Variants in LCLAT1 observed in about 807,000 individuals in gnomAD.
LCLAT1 encodes the protein lysocardiolipin acyltransferase 1.
Under a neutral mutation model 30.7 loss-of-function variants are expected in LCLAT1, and 11 were observed. That is an observed-to-expected ratio of 0.36 (90% confidence interval 0.23 to 0.59). The LOEUF (loss-of-function observed/expected upper bound fraction) is 0.59, where lower values mean the gene tolerates loss of function less well. LCLAT1 is among the 20% of genes least tolerant of loss of function. The pLI is 0.77. For synonymous variants in LCLAT1, 155 were observed against 151.3 expected (o/e 1.02, Z -0.18); for missense variants, 402 against 458.6 (o/e 0.88, Z 1.13).
At chr2:30,636,971 G>A (rs1263518463) in intron 5 of LCLAT1, among the ~76,000 whole-genome samples, 1 of 152,196 alleles carries the variant, frequency 6.6e-6, no homozygotes, top group Non-Finnish European at 1.5e-5. Context: ...ATGAAGACCT[G>A]TAATCCTGAT....
chr2:30,640,063 T>C (rs1187086296), intron 5 of LCLAT1, 54 bp from the exon 6 acceptor site: 16 of 1,438,258 alleles, frequency 1.1e-5, no homozygotes, highest in Non-Finnish European at 1.4e-5. Flanking sequence ...GAATCAGCAT[T>C]ATCACCCAAA....
chr2:30,502,954 GCTAA>G (rs764321666), intron 1 of LCLAT1, among the ~76,000 whole-genome samples: 3 of 152,176 alleles, frequency 2.0e-5, no homozygotes, highest in Non-Finnish European at 2.9e-5. Flanking sequence ...GCAGAACAGG[GCTAA>G]CTCACAGGCA....
chr2:30,469,958 T>C (rs1365229212), intron 1 of LCLAT1, among the ~76,000 whole-genome samples: 1 of 152,144 alleles, frequency 6.6e-6, no homozygotes, highest in Non-Finnish European at 1.5e-5. Flanking sequence ...CTCAAACTTC[T>C]GGCCTCAAGT....
chr2:30,463,148 T>C (rs1171437112), intron 1 of LCLAT1, among the ~76,000 whole-genome samples: 1 of 151,812 alleles, frequency 6.6e-6, no homozygotes, highest in Admixed American at 6.6e-5. Context: ...TTTATACATT[T>C]ATATATTTAT....
chr2:30,606,096 A>G, intron 5 of LCLAT1: 4 of 1,138,134 alleles, frequency 3.5e-6, no homozygotes, highest in Non-Finnish European at 4.7e-6. Flanking sequence ...GAGAGGACAC[A>G]AACAAATGGA....
At chr2:30,610,556 A>G (rs1381496411) in intron 5 of LCLAT1, among the ~76,000 whole-genome samples, 1 of 152,150 alleles carries the variant, frequency 6.6e-6, no homozygotes, top group Non-Finnish European at 1.5e-5. Context: ...TCTCTCAGGT[A>G]TTTAAGACCT....
At chr2:30,592,056 G>T (rs1393762430) in intron 5 of LCLAT1, among the ~76,000 whole-genome samples, 1 of 152,224 alleles carries the variant, frequency 6.6e-6, no homozygotes, top group East Asian at 1.9e-4. Context: ...CCCAGCCCTA[G>T]CGCAGGACTT....
intron 1 of LCLAT1, among the ~76,000 whole-genome samples, chr2:30,453,904 A>G (rs762292740): frequency 2.6e-5 from 4 of 152,198 alleles, no homozygotes; most frequent in African/African-American, 9.7e-5. Context: ...GTAAATACAA[A>G]TACTGTTATT....
chr2:30,479,279 G>C (rs1485488565), intron 1 of LCLAT1, among the ~76,000 whole-genome samples: 1 of 151,914 alleles, frequency 6.6e-6, no homozygotes, highest in Non-Finnish European at 1.5e-5. Flanking sequence ...ATCCAGGCTG[G>C]ACTACAGTGG....
At chr2:30,607,548 G>A (rs1346153171) in intron 5 of LCLAT1, 3 of 152,068 alleles carry the variant, frequency 2.0e-5, no homozygotes, top group African/African-American at 7.2e-5. Context: ...TATGCTACCA[G>A]TTGTGTAAAA....
rs917265995 is a variant in LCLAT1, at chr2:30,592,861, G to A, written c.628+24685G>A. 1.6e-4 allele frequency among the ~76,000 whole-genome samples: 24 copies of A among 152,150 alleles called. 1 individual carries two copies. The highest frequency in any genetic ancestry group is 3.3e-4 in the Admixed American group (5 of 15,266). ...TGATATTTTGATAACTGTATACAAT[G>A]TGTAACAATCAACTCAGAATAATTG... On this transcript the variant is annotated intron_variant, in intron 5 of 5. Coordinates refer to ENST00000379509, the MANE Select transcript of LCLAT1 (RefSeq NM_001002257.3).
chr2:30,600,888 G>C (rs1018731245), intron 5 of LCLAT1, among the ~76,000 whole-genome samples: 1 of 152,092 alleles, frequency 6.6e-6, no homozygotes, highest in Non-Finnish European at 1.5e-5. Context: ...TTTCCAACTT[G>C]GTTCCATTCT....
chr2:30,470,180 C>CAGAACACGAGGTCTGAAAAATACCTCA (rs1682704584), intron 1 of LCLAT1, among the ~76,000 whole-genome samples: 1 of 152,094 alleles, frequency 6.6e-6, no homozygotes, highest in South Asian at 2.1e-4. Context: ...GTTGGTCCAC[C>CAGAACACGAGGTCTGAAAAATACCTCA]AGAACACGAG....
At chr2:30,456,796 A>G (rs1223059944) in intron 1 of LCLAT1, among the ~76,000 whole-genome samples, 1 of 152,156 alleles carries the variant, frequency 6.6e-6, no homozygotes, top group East Asian at 1.9e-4. Flanking sequence ...CAGAGTCCAG[A>G]GTCTTCCCAT....
At chr2:30,636,225 A>G (rs962973989) in intron 5 of LCLAT1, among the ~76,000 whole-genome samples, 2 of 152,214 alleles carry the variant, frequency 1.3e-5, no homozygotes, top group African/African-American at 4.8e-5. Context: ...TCGTTAGAAT[A>G]TTTGTGTTGA....
At chr2:30,637,625 T>G (rs899978756) in intron 5 of LCLAT1, among the ~76,000 whole-genome samples, 1 of 152,190 alleles carries the variant, frequency 6.6e-6, no homozygotes, top group Admixed American at 6.5e-5. Context: ...TTGCCCAGGC[T>G]GGAGTGCATT....
intron 1 of LCLAT1, among the ~76,000 whole-genome samples, chr2:30,503,847 T>C (rs752088349): frequency 2.6e-5 from 4 of 152,240 alleles, no homozygotes; most frequent in Non-Finnish European, 5.9e-5. Flanking sequence ...TTGCATTTTG[T>C]CCTAGCTTGA....
intron 5 of LCLAT1, chr2:30,607,733 C>T (rs1332233225): frequency 6.6e-6 from 1 of 152,012 alleles, no homozygotes; most frequent in Non-Finnish European, 1.5e-5. Context: ...GCATTGCTGT[C>T]ATAGGACATG....
intron 1 of LCLAT1, among the ~76,000 whole-genome samples, chr2:30,462,122 C>G (rs1284248040): frequency 6.6e-6 from 1 of 152,160 alleles, no homozygotes; most frequent in Non-Finnish European, 1.5e-5. Context: ...TTCAGTTACT[C>G]TCCATTACTG....
Sources: allele counts gnomAD v4.1 joint callset (sites outside exome capture counted in the v4.1 genomes callset), GRCh38; gene constraint gnomAD v4.1.1; transcripts MANE v1.5; gene names NCBI Gene and HGNC (gene_info 2026-07-23, HGNC 2026-07-21).